Variants in CEP76 observed in about 807,000 individuals in gnomAD.
CEP76 encodes centrosomal protein 76, also known as centrosomal protein of 76 kDa.
Under a neutral mutation model 83.3 loss-of-function variants are expected in CEP76, and 55 were observed. The ratio of observed to expected loss-of-function variants is 0.66; its 90% CI spans 0.53 to 0.83. CEP76 has a LOEUF of 0.83. Ranked by LOEUF, CEP76 falls within the 40% of genes least tolerant of loss-of-function variation. The pLI is 0.00. For missense variants in CEP76, 694 were observed against 799.5 expected (o/e 0.87, Z 1.59); for synonymous variants, 270 against 274.5 (o/e 0.98, Z 0.16).
At chr18:12,687,843 T>C (rs986296958) in intron 7 of CEP76, among the ~76,000 whole-genome samples, 4 of 152,134 alleles carry the variant, frequency 2.6e-5, no homozygotes, top group African/African-American at 9.7e-5. Context: ...GAACTTAGCA[T>C]TACTAATAAT....
At chr18:12,686,813 A>G (rs901270619) in intron 7 of CEP76, 1 of 163,712 alleles carries the variant, frequency 6.1e-6, no homozygotes, top group African/African-American at 2.4e-5. Context: ...ATTACCATAT[A>G]GAATTTAACA....
At chr18:12,686,204 A>C in intron 8 of CEP76, 58 bp downstream of exon 8, 1 of 1,377,570 alleles carries the variant, frequency 7.3e-7, no homozygotes, top group Non-Finnish European at 1.0e-6. Context: ...CAAATGGATT[A>C]CAAATTCAGA....
intron 8 of CEP76, among the ~76,000 whole-genome samples, chr18:12,681,770 T>C (rs752939737): frequency 6.6e-6 from 1 of 152,180 alleles, no homozygotes; most frequent in Non-Finnish European, 1.5e-5. Flanking sequence ...AATTTTCCAC[T>C]CTTTTTCCAG....
chr18:12,698,866 AG>A, intron 4 of CEP76, 112 bp downstream of exon 4: 1 of 733,884 alleles, frequency 1.4e-6, no homozygotes, highest in Non-Finnish European at 2.2e-6. Flanking sequence ...GAAACAAAAT[AG>A]AGATTCCTCC....
chr18:12,671,638 C>CTTT (rs955356870), downstream of CEP76, among the ~76,000 whole-genome samples: 4 of 82,926 alleles, frequency 4.8e-5, no homozygotes, highest in South Asian at 3.4e-4. Flanking sequence ...AGGTTTCACA[C>CTTT]TTTCTTTTTT....
chr18:12,686,963 T>G (rs1177686444), intron 7 of CEP76, among the ~76,000 whole-genome samples: 1 of 152,184 alleles, frequency 6.6e-6, no homozygotes, highest in African/African-American at 2.4e-5. Flanking sequence ...CCAAGTCAAT[T>G]GAAAGCAAAA....
intron 6 of CEP76, among the ~76,000 whole-genome samples, chr18:12,692,949 A>T (rs2039821174): frequency 6.6e-6 from 1 of 152,140 alleles, no homozygotes; most frequent in Non-Finnish European, 1.5e-5. Flanking sequence ...CAGCCTCCCC[A>T]GTAGCTGGGA....
chr18:12,691,776 C>T (rs2039772929), intron 6 of CEP76, among the ~76,000 whole-genome samples: 2 of 150,512 alleles, frequency 1.3e-5, no homozygotes, highest in African/African-American at 2.4e-5. Flanking sequence ...AGTGCAGTGG[C>T]AAGATCTCAG....
intron 8 of CEP76, chr18:12,686,014 T>G (rs868536313): frequency 3.1e-6 from 1 of 323,980 alleles, no homozygotes; most frequent in South Asian, 4.3e-5. Flanking sequence ...AAAATCTCAA[T>G]ACAATGTAAA....
chr18:12,673,994 CAG>C (rs1230260362), intron 11 of CEP76, among the ~76,000 whole-genome samples: 1 of 152,146 alleles, frequency 6.6e-6, no homozygotes, highest in African/African-American at 2.4e-5. Context: ...CAAACAAAAT[CAG>C]AGATACCTGA....
chr18:12,700,090 C>T, intron 2 of CEP76, 185 bp from the exon 3 acceptor site: 2 of 422,418 alleles, frequency 4.7e-6, no homozygotes, highest in Non-Finnish European at 8.5e-6. Context: ...ATGATGTAAA[C>T]TGATCACTCC....
upstream of CEP76, chr18:12,702,751 G>C (rs554187036): frequency 8.3e-6 from 5 of 602,642 alleles, no homozygotes; most frequent in East Asian, 6.2e-5. Flanking sequence ...GGCGCCAACT[G>C]TTTTCAAACA....
intron 11 of CEP76, among the ~76,000 whole-genome samples, chr18:12,674,116 A>G (rs769083066): frequency 4.6e-5 from 7 of 152,028 alleles, no homozygotes; most frequent in Non-Finnish European, 1.0e-4. Flanking sequence ...AAAAGCTCCC[A>G]TATGACTTGG....
At position 12,700,963 on chromosome 18, in the gene CEP76, C is replaced by T. The variant is rs1185806164; in HGVS notation, c.214G>A (p.Val72Ile). 6.2e-7 allele frequency: 1 copy of T among 1,612,044 alleles called. No individual in the cohort carries two copies. Among genetic ancestry groups the T allele is most frequent in the Non-Finnish European group, 8.5e-7 (1 of 1,178,928 alleles). Residue 72 changes from valine to isoleucine, a missense_variant, in exon 2 of 12, where the codon GTT (valine) becomes ATT (isoleucine). Coordinates refer to ENST00000262127, the MANE Select transcript of CEP76 (RefSeq NM_024899.4). ...IDDVMKELNF[V>I]TDSVEQELPS... ...TTCCCTAAAAGATTACTCACAGTAA[C>T]AAAATTAAGTTCTTTCATCACATCG... is the stretch of plus-strand genomic sequence containing the variant.
At chr18:12,699,427 T>C (rs1248261487) in intron 3 of CEP76, among the ~76,000 whole-genome samples, 1 of 152,192 alleles carries the variant, frequency 6.6e-6, no homozygotes, top group African/African-American at 2.4e-5. Flanking sequence ...TCCAGGCTAC[T>C]TTCTCCCAGC....
chr18:12,687,486 C>G (rs1009748180), intron 7 of CEP76, among the ~76,000 whole-genome samples: 1 of 145,060 alleles, frequency 6.9e-6, no homozygotes, highest in Non-Finnish European at 1.5e-5. Context: ...GACAGAGTCT[C>G]GCTGTTGTCC....
At chr18:12,679,412 A>C (rs948266022) in intron 9 of CEP76, 1 of 152,244 alleles carries the variant, frequency 6.6e-6, no homozygotes, top group African/African-American at 2.4e-5. Context: ...ACTAGCAGGC[A>C]GGAAGCACAC....
At chr18:12,687,763 C>G (rs1042871729) in intron 7 of CEP76, among the ~76,000 whole-genome samples, 2 of 151,140 alleles carry the variant, frequency 1.3e-5, no homozygotes, top group African/African-American at 4.9e-5. Flanking sequence ...TAGAGGGCAC[C>G]GATTTTTAAA....
chr18:12,693,204 G>T (rs945517042), intron 6 of CEP76, among the ~76,000 whole-genome samples: 3 of 152,108 alleles, frequency 2.0e-5, no homozygotes, highest in Admixed American at 2.0e-4. Context: ...TTAGTCACTA[G>T]AAATTATAAA....
Sources: gnomAD v4.1 joint callset for allele counts (sites outside exome capture counted in the v4.1 genomes callset) on GRCh38, gnomAD v4.1.1 for gene constraint, MANE v1.5 for transcripts, NCBI Gene and HGNC (gene_info 2026-07-23, HGNC 2026-07-21) for gene names.